The following TMEM132D variants were observed in gnomAD, a reference collection of about 807,000 sequenced individuals.
TMEM132D encodes transmembrane protein 132D.
In TMEM132D, 21 loss-of-function variants were observed where a neutral mutation model predicts 62.3. That is an observed-to-expected ratio of 0.34 (90% CI 0.24 to 0.49). The LOEUF (loss-of-function observed/expected upper bound fraction) is 0.49. TMEM132D is among the 20% of genes least tolerant of loss of function. The probability of loss-of-function intolerance (pLI) is 0.99; values close to 1 mark genes in which losing one functional copy is unlikely to be tolerated. For synonymous variants in TMEM132D, 621 were observed against 575.6 expected (o/e 1.08, Z -1.13); for missense variants, 1,346 against 1,402.8 (o/e 0.96, Z 0.65).
intron 5 of TMEM132D, among the ~76,000 whole-genome samples, chr12:129,208,378 A>G (rs948055439): frequency 3.9e-5 from 6 of 152,292 alleles, no homozygotes; most frequent in African/African-American, 1.2e-4. Context: ...ATGAGTAGGT[A>G]GGAGTGCTGT....
At chr12:129,696,479 T>C (rs190349418) in intron 2 of TMEM132D, among the ~76,000 whole-genome samples, 34 of 152,324 alleles carry the variant, frequency 2.2e-4, no homozygotes, top group Non-Finnish European at 4.1e-4. Context: ...GTTCCACTGT[T>C]CTAGGCCCCC....
chr12:129,287,230 C>T (rs887563513), intron 4 of TMEM132D, among the ~76,000 whole-genome samples: 2 of 151,966 alleles, frequency 1.3e-5, no homozygotes, highest in Non-Finnish European at 2.9e-5. Flanking sequence ...CGGGATACTT[C>T]GAGGAAGAAA....
At chr12:129,578,836 C>T (rs990323527) in intron 2 of TMEM132D, among the ~76,000 whole-genome samples, 5 of 152,164 alleles carry the variant, frequency 3.3e-5, no homozygotes, top group African/African-American at 9.7e-5. Context: ...AGACCTTCAA[C>T]GGGTTGGAGC....
intron 1 of TMEM132D, among the ~76,000 whole-genome samples, chr12:129,848,660 G>T (rs1873440280): frequency 6.6e-6 from 1 of 152,140 alleles, no homozygotes; most frequent in Non-Finnish European, 1.5e-5. Context: ...CACTGGGTTT[G>T]TCTTTTTGAT....
At chr12:129,365,696 G>A (rs1052483174) in intron 3 of TMEM132D, among the ~76,000 whole-genome samples, 1 of 152,118 alleles carries the variant, frequency 6.6e-6, no homozygotes, top group East Asian at 1.9e-4. Flanking sequence ...CCCAGAGGGC[G>A]AGGAGGCAGG....
chr12:129,227,249 AT>A (rs1207775947), intron 4 of TMEM132D, among the ~76,000 whole-genome samples: 1 of 140,208 alleles, frequency 7.1e-6, no homozygotes, highest in Admixed American at 7.2e-5. Context: ...GATAATAACA[AT>A]AACTTCCTTT....
chr12:129,757,471 A>G (rs73436164), intron 1 of TMEM132D, among the ~76,000 whole-genome samples: 26,506 of 152,090 alleles, frequency 0.17, 2,356 homozygotes, highest in Middle Eastern at 0.22. Flanking sequence ...AACTTCTGCC[A>G]TCGAGCTCCA....
intron 1 of TMEM132D, among the ~76,000 whole-genome samples, chr12:129,898,360 T>A (rs1875219162): frequency 6.6e-6 from 1 of 152,198 alleles, no homozygotes; most frequent in Non-Finnish European, 1.5e-5. Flanking sequence ...TTTTGTCCCC[T>A]AGAAGAACTT....
intron 3 of TMEM132D, among the ~76,000 whole-genome samples, chr12:129,380,283 A>G (rs1012412320): frequency 6.6e-6 from 1 of 152,214 alleles, no homozygotes; most frequent in Non-Finnish European, 1.5e-5. Context: ...TAGAAAAAAA[A>G]CTTCCATTTA....
intron 2 of TMEM132D, among the ~76,000 whole-genome samples, chr12:129,552,157 C>A (rs1876916081): frequency 6.6e-6 from 1 of 152,160 alleles, no homozygotes; most frequent in African/African-American, 2.4e-5. Context: ...GCTATCAGGA[C>A]AACTCCAAGT....
At chr12:129,787,172 A>G (rs1266154277) in intron 1 of TMEM132D, among the ~76,000 whole-genome samples, 2 of 152,154 alleles carry the variant, frequency 1.3e-5, no homozygotes, top group African/African-American at 2.4e-5. Context: ...GAACCATGCT[A>G]CTCTGAAATT....
intron 3 of TMEM132D, among the ~76,000 whole-genome samples, chr12:129,454,283 A>G (rs533344594): frequency 2.6e-5 from 4 of 152,354 alleles, no homozygotes; most frequent in African/African-American, 9.6e-5. Flanking sequence ...GTCTTGGTGT[A>G]AGGCACTCCT....
intron 5 of TMEM132D, among the ~76,000 whole-genome samples, chr12:129,165,924 C>A (rs569163615): frequency 6.6e-6 from 1 of 152,202 alleles, no homozygotes; most frequent in South Asian, 2.1e-4. Flanking sequence ...ATTCACGTGA[C>A]GCTGACTATG....
chr12:129,339,536 G>T (rs1487199258), intron 3 of TMEM132D, among the ~76,000 whole-genome samples: 5 of 152,144 alleles, frequency 3.3e-5, no homozygotes, highest in South Asian at 4.2e-4. Context: ...AGCAGCTGCT[G>T]TGATAAAAAT....
intron 3 of TMEM132D, among the ~76,000 whole-genome samples, chr12:129,395,341 C>CATAACTA: frequency 6.6e-6 from 1 of 152,130 alleles, no homozygotes; most frequent in East Asian, 1.9e-4. Flanking sequence ...ACCTGAAGTC[C>CATAACTA]AGTAACTAAG....
chr12:129,465,007 A>G (rs1873836030), intron 3 of TMEM132D, among the ~76,000 whole-genome samples: 1 of 7,248 alleles, frequency 1.4e-4, no homozygotes, highest in Non-Finnish European at 0.014. Flanking sequence ...AATTCTGTGA[A>G]GAAGGCATTG....
chr12:129,541,233 G>A (rs933476029), intron 2 of TMEM132D, among the ~76,000 whole-genome samples: 10 of 152,124 alleles, frequency 6.6e-5, no homozygotes, highest in Non-Finnish European at 1.5e-4. Context: ...AGGCAGAAGG[G>A]AAATACGTAG....
intron 5 of TMEM132D, among the ~76,000 whole-genome samples, chr12:129,192,848 A>G (rs149650401): frequency 1.3e-5 from 2 of 152,216 alleles, no homozygotes; most frequent in African/African-American, 4.8e-5. Flanking sequence ...ACTATATACA[A>G]CACTACCATT....
intron 5 of TMEM132D, among the ~76,000 whole-genome samples, chr12:129,089,826 G>T (rs1195795682): frequency 6.6e-6 from 1 of 152,242 alleles, no homozygotes; most frequent in Non-Finnish European, 1.5e-5. Flanking sequence ...CAGGACACAG[G>T]GGGCAGGGAA....
Sources: allele counts gnomAD v4.1 joint callset (sites outside exome capture counted in the v4.1 genomes callset), GRCh38; gene constraint gnomAD v4.1.1; transcripts MANE v1.5; gene names NCBI Gene and HGNC (gene_info 2026-07-23, HGNC 2026-07-21).